Variants in IFNAR2 observed in about 807,000 individuals in gnomAD.
The protein encoded by IFNAR2 is interferon alpha and beta receptor subunit 2.
Under a neutral mutation model 49.4 loss-of-function variants are expected in IFNAR2, and 30 were observed. That is an observed-to-expected ratio of 0.61 (90% CI 0.45 to 0.82). The LOEUF is 0.82. IFNAR2 is among the 40% of genes least tolerant of loss of function. The probability of loss-of-function intolerance (pLI) is 0.00; values close to 1 mark genes in which losing one functional copy is unlikely to be tolerated. For missense variants in IFNAR2, 600 were observed against 622.7 expected (o/e 0.96, Z 0.39); for synonymous variants, 224 against 234.5 (o/e 0.96, Z 0.41).
At chr21:33,248,299 G>A (rs1490425166) in intron 5 of IFNAR2, among the ~76,000 whole-genome samples, 4 of 140,848 alleles carry the variant, frequency 2.8e-5, no homozygotes, top group African/African-American at 1.1e-4. Context: ...TTGAGCTCAG[G>A]AGTTCAAGAC....
At chr21:33,242,008 A>G (rs1332346312) in intron 2 of IFNAR2, 31 bp downstream of exon 2, 1 of 1,603,590 alleles carries the variant, frequency 6.2e-7, no homozygotes. Flanking sequence ...TAGCTCTTAT[A>G]GAAGCAAGCT....
intron 1 of IFNAR2, among the ~76,000 whole-genome samples, chr21:33,239,251 A>G (rs561144278): frequency 6.6e-6 from 1 of 152,200 alleles, no homozygotes; most frequent in Non-Finnish European, 1.5e-5. Flanking sequence ...GGTTGTGTTC[A>G]GCCGATGGGG....
chr21:33,241,626 C>T (rs1374511553), intron 1 of IFNAR2, among the ~76,000 whole-genome samples: 1 of 137,392 alleles, frequency 7.3e-6, no homozygotes, highest in African/African-American at 2.5e-5. Context: ...CAAGACTTTT[C>T]ACAATTTTTT....
In IFNAR2 at chr21:33,262,862, G is replaced by A. The variant is rs1191469010; in HGVS notation, c.910G>A (p.Val304Ile). The A allele has an allele frequency of 6.2e-7, 1 of 1,613,908 alleles. No individual in the cohort carries two copies. The highest frequency in any genetic ancestry group is 8.5e-7 in the Non-Finnish European group (1 of 1,179,972). Residue 304 changes from valine to isoleucine, a missense_variant, in exon 9 of 9, where the codon GTC becomes ATC. Physicochemically the swap from Val to Ile is conservative, Grantham distance 29. Transcript: ENST00000342136. Reference protein sequence around the residue: ...PPLEAMDMVEVIYINRKKKVW... With the variant: ...PPLEAMDMVEIIYINRKKKVW... ...GTTGGAAGCCATGGATATGGTGGAG[G>A]TCATTTACATCAACAGAAAGAAGAA...
chr21:33,236,264 G>T (rs1362109797), intron 1 of IFNAR2, among the ~76,000 whole-genome samples: 1 of 152,078 alleles, frequency 6.6e-6, no homozygotes, highest in Non-Finnish European at 1.5e-5. Flanking sequence ...CTGCCCTGGT[G>T]ACTCTAGGAT....
intron 8 of IFNAR2, chr21:33,262,528 C>T: frequency 1.4e-6 from 1 of 691,360 alleles, no homozygotes; most frequent in Non-Finnish European, 2.6e-6. Context: ...CATCATCATT[C>T]AATCTCATTA....
At chr21:33,256,598 T>C (rs1271392507) in intron 7 of IFNAR2, among the ~76,000 whole-genome samples, 1 of 152,236 alleles carries the variant, frequency 6.6e-6, no homozygotes, top group Non-Finnish European at 1.5e-5. Flanking sequence ...CCCAGACATC[T>C]GGAGAAACAC....
At position 33,260,626 on chromosome 21, in the gene IFNAR2, A is replaced by G. The variant is rs779941156; in HGVS notation, c.739A>G (p.Ile247Val). ...AGCAGAATCTGCCAAAATAGGAGGAATAATTACTGTGTTTTTGATAGCATT... is the reference window on the plus strand; with the variant it reads ...AGCAGAATCTGCCAAAATAGGAGGAGTAATTACTGTGTTTTTGATAGCATT... ...ESAESAKIGG[I>V]ITVFLIALVL... The change falls in exon 8 of 9, where the codon ATA becomes GTA. Residue 247 changes from isoleucine to valine, a missense_variant. Physicochemically the swap from Ile to Val is conservative, Grantham distance 29. Transcript: ENST00000342136. The G allele has an allele frequency of 6.3e-7, 1 of 1,596,094 alleles. No individual in the cohort carries two copies. The highest frequency in any genetic ancestry group is 8.5e-7 in the Non-Finnish European group (1 of 1,174,690).
chr21:33,246,945 T>C, intron 5 of IFNAR2, 55 bp downstream of exon 5: 3 of 1,482,176 alleles, frequency 2.0e-6, no homozygotes, highest in Non-Finnish European at 2.8e-6. Context: ...TCTTTATTAT[T>C]TGCTATTCCA....
chr21:33,240,616 C>T (rs1328592650), intron 1 of IFNAR2, among the ~76,000 whole-genome samples: 1 of 152,014 alleles, frequency 6.6e-6, no homozygotes, highest in Non-Finnish European at 1.5e-5. Flanking sequence ...TTGAGATCAG[C>T]CTGGGCAACA....
chr21:33,246,821 G>T lies in IFNAR2; in HGVS notation c.325G>T (p.Val109Phe). 1 of 1,614,136 alleles carries T rather than the reference G, an allele frequency of 6.2e-7. No individual in the cohort carries two copies. Among genetic ancestry groups the T allele is most frequent in the South Asian group, 1.1e-5 (1 of 91,082 alleles). The change falls in exon 5 of 9, where the codon GTC becomes TTC. Residue 109 changes from valine to phenylalanine, a missense_variant. Coordinates refer to ENST00000342136, the MANE Select transcript of IFNAR2 (RefSeq NM_001289125.3). The stretch of plus-strand genomic sequence containing the variant: ...AAGCACACACGAGGCCTATGTCACC[G>T]TCCTAGAAGGATTCAGCGGGAACAC... ...WRSTHEAYVTVLEGFSGNTTL... is the reference protein window; with the variant it reads ...WRSTHEAYVTFLEGFSGNTTL...
chr21:33,242,659 G>A (rs570827511), intron 2 of IFNAR2, among the ~76,000 whole-genome samples: 66 of 146,700 alleles, frequency 4.5e-4, no homozygotes, highest in African/African-American at 1.7e-3. Flanking sequence ...CATGAACCTG[G>A]GAGGCGGAGC....
chr21:33,261,628 A>G (rs976598943), intron 8 of IFNAR2, among the ~76,000 whole-genome samples: 4 of 152,290 alleles, frequency 2.6e-5, no homozygotes, highest in Non-Finnish European at 4.4e-5. Context: ...TAATCTCAGC[A>G]CTTTGGGAGG....
At chr21:33,236,768 T>C in intron 1 of IFNAR2, 2 of 984,788 alleles carry the variant, frequency 2.0e-6, no homozygotes, top group South Asian at 4.7e-5. Flanking sequence ...CATTGAAAGA[T>C]AAAATGGTTA....
intron 1 of IFNAR2, chr21:33,236,937 A>G: frequency 2.2e-6 from 2 of 927,640 alleles, no homozygotes; most frequent in Non-Finnish European, 2.6e-6. Flanking sequence ...CTCCATTAAC[A>G]ATTTAGGCAC....
chr21:33,257,240 C>T (rs1433139695), intron 7 of IFNAR2, among the ~76,000 whole-genome samples: 1 of 152,196 alleles, frequency 6.6e-6, no homozygotes, highest in Non-Finnish European at 1.5e-5. Context: ...GGAGTTGGTT[C>T]CTGCCAATGG....
rs2123547390 is a variant in IFNAR2 at position 33,264,118 on chromosome 21, T to C, written c.*618T>C. Reference sequence around the variant, plus strand: ...AAGTGATCTGCCCTCCTCAGCCTCGTAAAGTGCTGGGATTACAGGGGTGAG... The same window carrying C: ...AAGTGATCTGCCCTCCTCAGCCTCGCAAAGTGCTGGGATTACAGGGGTGAG... On this transcript the variant is annotated 3_prime_UTR_variant, in exon 9 of 9. Transcript: ENST00000342136. 6.6e-6 allele frequency: 1 copy of C among 152,370 alleles called. No individual in the cohort carries two copies. Among genetic ancestry groups the C allele is most frequent in the South Asian group, 2.1e-4 (1 of 4,828 alleles). 9.4% of individuals were successfully genotyped at this position (152,370 alleles called of 1,614,324 possible).
Position 33,246,858 on chromosome 21 carries a change from G to A in IFNAR2, c.362G>A (p.Ser121Asn), listed in dbSNP as rs578211262. The change falls in exon 5 of 9, where the codon AGT becomes AAT. Residue 121 changes from serine to asparagine, a missense_variant. Coordinates refer to ENST00000342136, the MANE Select transcript of IFNAR2 (RefSeq NM_001289125.3). ...EGFSGNTTLFSCSHNFWLAID... is the reference protein window; with the variant it reads ...EGFSGNTTLFNCSHNFWLAID... ...TTCAGCGGGAACACAACGTTGTTCA[G>A]TTGCTCACACAATTTCTGGCTGGCC... 3.1e-6 allele frequency: 5 copies of A among 1,614,218 alleles called. No homozygotes were observed. In the East Asian group the frequency reaches 8.9e-5, roughly 29 times the overall value.
intron 1 of IFNAR2, among the ~76,000 whole-genome samples, chr21:33,241,560 A>G (rs967300086): frequency 1.3e-5 from 2 of 152,216 alleles, no homozygotes; most frequent in East Asian, 1.9e-4. Context: ...GTTTTTGCTT[A>G]TGCATGAAGA....
Sources: gnomAD v4.1 joint callset for allele counts (sites outside exome capture counted in the v4.1 genomes callset) on GRCh38, gnomAD v4.1.1 for gene constraint, MANE v1.5 for transcripts, NCBI Gene and HGNC (gene_info 2026-07-23, HGNC 2026-07-21) for gene names.